PTK2: variants seen among roughly 807,000 people sequenced by gnomAD.
PTK2 encodes the protein protein tyrosine kinase 2.
In PTK2, 45 loss-of-function variants were observed where a neutral mutation model predicts 150.1. The observed-to-expected ratio is 0.30, with a 90% CI of 0.24 to 0.38. The LOEUF is 0.38. Ranked by LOEUF, PTK2 falls within the 10% of genes least tolerant of loss-of-function variation. The probability of loss-of-function intolerance (pLI) is 1.00; values close to 1 mark genes in which losing one functional copy is unlikely to be tolerated. For missense variants in PTK2, 919 were observed against 1,307.3 expected (o/e 0.70, Z 4.58); for synonymous variants, 432 against 449.2 (o/e 0.96, Z 0.48).
In PTK2 at chr8:140,881,021, A is replaced by G. The variant is rs183168980; in HGVS notation, c.196-1384T>C. Among the ~76,000 whole-genome samples, 41 of 152,294 alleles carry G rather than the reference A, an allele frequency of 2.7e-4. 2 individuals are homozygous for G. Among genetic ancestry groups the G allele is most frequent in the African/African-American group, 9.6e-4 (40 of 41,556 alleles). ...GGAGTAAACATGGTATCAAGAGAGA[A>G]AGCATCAACAGAGGACCAGGCTGGA... On this transcript the variant is annotated intron_variant, in intron 3 of 31. Transcript: ENST00000522684.
chr8:140,761,864 T>C (rs1263435249), intron 15 of PTK2, among the ~76,000 whole-genome samples: 1 of 152,120 alleles, frequency 6.6e-6, no homozygotes, highest in African/African-American at 2.4e-5. Flanking sequence ...AGGTTGGATG[T>C]ATCAACATTA....
intron 7 of PTK2, among the ~76,000 whole-genome samples, chr8:140,843,693 G>GT (rs1223087825): frequency 1.3e-5 from 2 of 151,696 alleles, no homozygotes; most frequent in Non-Finnish European, 2.9e-5. Flanking sequence ...CTCCCATCAG[G>GT]TTTTTTTTAG....
intron 20 of PTK2, 102 bp downstream of exon 23, chr8:140,743,128 A>G: frequency 5.1e-6 from 4 of 783,818 alleles, no homozygotes; most frequent in South Asian, 4.2e-5. Flanking sequence ...AGTTGATTTT[A>G]TATCTCTGTC....
rs543480601 is a variant in PTK2, at chr8:140,868,634, T to C, written c.363-4235A>G. On this transcript the variant is annotated intron_variant, in intron 4 of 31. Transcript: ENST00000522684. ...CATCATTATGGACTTCCTGATACAA[T>C]GCAATGAGAAAGGTATGACATCTTG... Among the ~76,000 whole-genome samples, 58 of 152,254 alleles carry C rather than the reference T, an allele frequency of 3.8e-4. 1 individual carries two copies. The highest frequency in any genetic ancestry group is 3.4e-3 in the Middle Eastern group (1 of 294).
At chr8:140,748,444 G>A (rs1489021385) in intron 17 of PTK2, among the ~76,000 whole-genome samples, 1 of 147,966 alleles carries the variant, frequency 6.8e-6, no homozygotes, top group African/African-American at 2.6e-5. Flanking sequence ...AGTGAGCCGG[G>A]ATTGCGTCAC....
intron 26 of PTK2, among the ~76,000 whole-genome samples, chr8:140,690,982 T>A (rs777580390): frequency 1.3e-5 from 2 of 152,178 alleles, no homozygotes; most frequent in Non-Finnish European, 2.9e-5. Context: ...ATAGGATTGT[T>A]AGGAGGATGA....
At chr8:140,988,561 C>T (rs1364798796) in intron 1 of PTK2, among the ~76,000 whole-genome samples, 1 of 152,012 alleles carries the variant, frequency 6.6e-6, no homozygotes, top group African/African-American at 2.4e-5. Context: ...AACTCCATCT[C>T]TACTGAAAAT....
intron 2 of PTK2, among the ~76,000 whole-genome samples, chr8:140,916,340 C>G (rs1489917061): frequency 6.6e-6 from 1 of 152,174 alleles, no homozygotes; most frequent in African/African-American, 2.4e-5. Flanking sequence ...CTCGTAGGCA[C>G]GAAGAACTGG....
chr8:140,784,701 G>A (rs1315740663), intron 14 of PTK2, among the ~76,000 whole-genome samples: 2 of 152,140 alleles, frequency 1.3e-5, no homozygotes, highest in Non-Finnish European at 2.9e-5. Flanking sequence ...ACAAGCACAA[G>A]TTTCCTTATA....
chr8:140,879,647 A>AC lies in PTK2; in HGVS notation c.196-11dup. The AC allele has an allele frequency of 7.1e-6, 4 of 565,328 alleles. No individual in the cohort carries two copies. Among genetic ancestry groups the AC allele is most frequent in the African/African-American group, 2.8e-5 (1 of 36,038 alleles). The allele number at this position is 565,328 out of a possible 1,614,324, so 35.0% of individuals were successfully genotyped here. On this transcript the variant is annotated splice_polypyrimidine_tract_variant and intron_variant, in intron 3 of 31. Coordinates refer to ENST00000522684, the Ensembl canonical transcript of PTK2. Reference sequence around the variant, plus strand: ...TCTTCTGAATGATGCCCTAAAACATACCCCCCACAAGAATGACTGTTATAA... The same window carrying AC: ...TCTTCTGAATGATGCCCTAAAACATACCCCCCCACAAGAATGACTGTTATAA...
chr8:140,702,116 A>C, intron 25 of PTK2, among the ~76,000 whole-genome samples: 1 of 127,376 alleles, frequency 7.9e-6, no homozygotes, highest in Non-Finnish European at 1.7e-5. Context: ...AGACAGAGTA[A>C]GACTCTGTCT....
chr8:140,736,195 A>G (rs1314031379), intron 21 of PTK2, among the ~76,000 whole-genome samples: 1 of 152,264 alleles, frequency 6.6e-6, no homozygotes, highest in Non-Finnish European at 1.5e-5. Flanking sequence ...TGCAGGCATA[A>G]AAGAATGAAA....
chr8:140,998,160 T>A (rs896647375), intron 1 of PTK2, among the ~76,000 whole-genome samples: 2 of 152,248 alleles, frequency 1.3e-5, no homozygotes, highest in African/African-American at 4.8e-5. Flanking sequence ...ACAAACAGTA[T>A]AACTTTTAAT....
At chr8:140,924,172 C>T (rs772083717) in intron 2 of PTK2, among the ~76,000 whole-genome samples, 4 of 152,142 alleles carry the variant, frequency 2.6e-5, no homozygotes, top group Non-Finnish European at 5.9e-5. Flanking sequence ...CTCTGCACTG[C>T]CTGTCCCTCT....
chr8:140,706,070 G>C, intron 24 of PTK2, 49 bp downstream of exon 27: 3 of 1,454,840 alleles, frequency 2.1e-6, no homozygotes, highest in Non-Finnish European at 2.9e-6. Context: ...TACCCCAAAA[G>C]CGCTAAATAA....
intron 5 of PTK2, among the ~76,000 whole-genome samples, chr8:140,856,325 A>T (rs1284233637): frequency 2.0e-5 from 3 of 152,160 alleles, no homozygotes; most frequent in African/African-American, 7.2e-5. Context: ...GTTCACAAAA[A>T]TGCTTGCCAA....
At chr8:140,690,582 T>C (rs1026346664) in intron 26 of PTK2, among the ~76,000 whole-genome samples, 2 of 152,174 alleles carry the variant, frequency 1.3e-5, no homozygotes, top group African/African-American at 4.8e-5. Flanking sequence ...AAAATTAAGA[T>C]ACTGCAAAAA....
At chr8:140,712,685 C>T (rs1425989835) in intron 23 of PTK2, among the ~76,000 whole-genome samples, 3 of 152,118 alleles carry the variant, frequency 2.0e-5, no homozygotes, top group African/African-American at 7.2e-5. Context: ...AGAGATCCTC[C>T]CAATGTTAAC....
intron 29 of PTK2, among the ~76,000 whole-genome samples, chr8:140,670,658 C>G (rs942098970): frequency 6.6e-6 from 1 of 151,970 alleles, no homozygotes; most frequent in African/African-American, 2.4e-5. Flanking sequence ...TGTGTTTTCT[C>G]TAAAGCTCAA....
Sources: allele counts gnomAD v4.1 joint callset (sites outside exome capture counted in the v4.1 genomes callset), GRCh38; gene constraint gnomAD v4.1.1; transcripts MANE v1.5; gene names NCBI Gene and HGNC (gene_info 2026-07-23, HGNC 2026-07-21).